The following EYS variants were observed in gnomAD, a reference collection of about 807,000 sequenced individuals.
EYS encodes the protein protein eyes shut homolog.
A neutral mutation model predicts 282.1 loss-of-function variants in EYS; 250 were observed. That is an observed-to-expected ratio of 0.89 (90% CI 0.80 to 0.98). The LOEUF (loss-of-function observed/expected upper bound fraction) is 0.98, where lower values mean the gene tolerates loss of function less well. Among genes scored for constraint, EYS ranks in the 50% least tolerant of loss-of-function variants. The pLI, the probability that EYS is intolerant of heterozygous loss-of-function variation, is 0.00. For missense variants in EYS, 4,016 were observed against 3,709.0 expected (o/e 1.08, Z -2.15); for synonymous variants, 1,355 against 1,282.9 (o/e 1.06, Z -1.20).
intron 28 of EYS, among the ~76,000 whole-genome samples, chr6:64,423,634 C>A (rs1183816719): frequency 6.6e-6 from 1 of 152,050 alleles, no homozygotes; most frequent in Admixed American, 6.5e-5. Flanking sequence ...ATGGTGAAAC[C>A]CTGACTCTAT....
intron 19 of EYS, among the ~76,000 whole-genome samples, chr6:64,834,718 T>A (rs1187057849): frequency 2.0e-5 from 3 of 151,862 alleles, no homozygotes; most frequent in African/African-American, 4.8e-5. Context: ...AGTGGCATTT[T>A]AAAAATACTA....
intron 1 of EYS, among the ~76,000 whole-genome samples, chr6:65,701,085 T>C (rs972734258): frequency 5.9e-5 from 9 of 152,212 alleles, no homozygotes; most frequent in African/African-American, 2.2e-4. Context: ...TATAGATCTT[T>C]GCAATAATTT....
intron 12 of EYS, among the ~76,000 whole-genome samples, chr6:65,127,634 T>G (rs35364635): frequency 0.04 from 6,124 of 152,180 alleles, 175 homozygotes; most frequent in Middle Eastern, 0.065. Flanking sequence ...TAAGGTGGAA[T>G]TGCATCATGT....
At chr6:64,565,005 C>T (rs531214073) in intron 26 of EYS, among the ~76,000 whole-genome samples, 6 of 152,074 alleles carry the variant, frequency 3.9e-5, no homozygotes, top group South Asian at 2.1e-4. Flanking sequence ...AGATCCTTTG[C>T]GTAAATTTTT....
chr6:64,304,437 C>G (rs183853177), intron 30 of EYS, among the ~76,000 whole-genome samples: 1 of 152,122 alleles, frequency 6.6e-6, no homozygotes. Flanking sequence ...CCAACTAGAT[C>G]TAACAGACAT....
intron 32 of EYS, among the ~76,000 whole-genome samples, chr6:64,073,558 G>A (rs77128882): frequency 0.097 from 14,763 of 151,762 alleles, 1,308 homozygotes; most frequent in African/African-American, 0.23. Flanking sequence ...GAAGGGAAAA[G>A]TTAGTGGCAA....
At chr6:64,545,205 G>C (rs1764816601) in intron 26 of EYS, among the ~76,000 whole-genome samples, 1 of 152,136 alleles carries the variant, frequency 6.6e-6, no homozygotes, top group Admixed American at 6.5e-5. Context: ...GGGATGCAAG[G>C]CTGGTTCAAC....
intron 35 of EYS, among the ~76,000 whole-genome samples, chr6:63,937,050 A>G (rs73439131): frequency 0.057 from 8,686 of 152,266 alleles, 536 homozygotes; most frequent in African/African-American, 0.15. Flanking sequence ...GAGAAACTCA[A>G]TCCAGAACTA....
At chr6:65,499,822 T>C (rs1277075233) in intron 2 of EYS, among the ~76,000 whole-genome samples, 2 of 151,886 alleles carry the variant, frequency 1.3e-5, no homozygotes, top group Non-Finnish European at 2.9e-5. Context: ...GACAGCAGAT[T>C]TATTCATATT....
chr6:65,289,144 T>G (rs1218368421), intron 12 of EYS, among the ~76,000 whole-genome samples: 4 of 151,090 alleles, frequency 2.6e-5, no homozygotes, highest in African/African-American at 9.7e-5. Context: ...TAGTATCCCA[T>G]AAATAGATTT....
At chr6:65,174,402 C>T (rs1470209796) in intron 12 of EYS, among the ~76,000 whole-genome samples, 1 of 151,248 alleles carries the variant, frequency 6.6e-6, no homozygotes, top group Non-Finnish European at 1.5e-5. Context: ...TGTAATTTCT[C>T]TGTCCACCTT....
chr6:63,954,930 GT>G (rs1765750451), intron 35 of EYS, among the ~76,000 whole-genome samples: 1 of 152,078 alleles, frequency 6.6e-6, no homozygotes, highest in Non-Finnish European at 1.5e-5. Context: ...ACTTCTCAGT[GT>G]TCTGTCTGCT....
intron 30 of EYS, among the ~76,000 whole-genome samples, chr6:64,303,238 T>C (rs1053359520): frequency 6.6e-6 from 1 of 152,154 alleles, no homozygotes; most frequent in African/African-American, 2.4e-5. Flanking sequence ...CCCAGTGGGG[T>C]TCCTTAGTAA....
At chr6:65,179,954 A>G (rs1765330998) in intron 12 of EYS, among the ~76,000 whole-genome samples, 1 of 152,076 alleles carries the variant, frequency 6.6e-6, no homozygotes, top group African/African-American at 2.4e-5. Context: ...AAAGACAAAA[A>G]CCGTATGATT....
chr6:64,742,508 T>G (rs1299024261), intron 22 of EYS, among the ~76,000 whole-genome samples: 2 of 152,158 alleles, frequency 1.3e-5, no homozygotes, highest in East Asian at 3.9e-4. Context: ...TATCTTGAAG[T>G]GTAATATGAT....
chr6:65,657,772 T>G (rs780569827), intron 1 of EYS, among the ~76,000 whole-genome samples: 1 of 151,814 alleles, frequency 6.6e-6, no homozygotes, highest in Non-Finnish European at 1.5e-5. Context: ...TTGAAAGAAG[T>G]TCTACTGTGG....
At chr6:65,334,908 A>G in intron 11 of EYS, 72 bp downstream of exon 11, 1 of 1,398,216 alleles carries the variant, frequency 7.2e-7, no homozygotes, top group Non-Finnish European at 1.0e-6. Context: ...ACCATGAAAC[A>G]GTTCGATGAC....
rs2150425006 is a variant in EYS, at chr6:64,388,771, G to A, written c.5997C>T (p.Ile1999=). Residue 1999 remains isoleucine, a synonymous_variant, in exon 29 of 43, where the codon ATC becomes ATT. Coordinates refer to ENST00000503581, the MANE Select transcript of EYS (RefSeq NM_001142800.2). ...GCAGGGGTTTTCCGAGTACATGATT[G>A]ATAGATTCGCATATTTGTGTATTCC... ...LGRNTQICES[I]NHVLGKPLPK... is the part of the protein sequence containing the mutation. 3 of 1,544,978 alleles carry A rather than the reference G, an allele frequency of 1.9e-6. No individual in the cohort carries two copies. The highest frequency in any genetic ancestry group is 1.2e-5 in the South Asian group (1 of 82,654).
chr6:64,548,198 G>A (rs114564946), intron 26 of EYS, among the ~76,000 whole-genome samples: 1,586 of 152,330 alleles, frequency 0.01, 36 homozygotes, highest in African/African-American at 0.036. Flanking sequence ...CGAGGGCTGC[G>A]AGGGCTGTCA....
Sources: allele counts gnomAD v4.1 joint callset (sites outside exome capture counted in the v4.1 genomes callset), GRCh38; gene constraint gnomAD v4.1.1; transcripts MANE v1.5; gene names NCBI Gene and HGNC (gene_info 2026-07-23, HGNC 2026-07-21).